Variants in JAK1 observed in about 807,000 individuals in gnomAD.
JAK1 encodes tyrosine-protein kinase JAK1.
In JAK1, 16 loss-of-function variants were observed where a neutral mutation model predicts 136.6. The observed-to-expected ratio is 0.12, with a 90% CI of 0.08 to 0.18. The LOEUF is 0.18. Ranked by LOEUF, JAK1 falls within the 10% of genes least tolerant of loss-of-function variation. The pLI, the probability that JAK1 is intolerant of heterozygous loss-of-function variation, is 1.00. For missense variants in JAK1, 859 were observed against 1,450.1 expected (o/e 0.59, Z 6.62); for synonymous variants, 492 against 519.5 (o/e 0.95, Z 0.72).
upstream of JAK1, among the ~76,000 whole-genome samples, chr1:64,968,010 A>G (rs1340754532): frequency 6.6e-6 from 1 of 152,200 alleles, no homozygotes; most frequent in East Asian, 1.9e-4. Flanking sequence ...GTGAACTATG[A>G]TAATATAGCC....
intron 1 of JAK1, among the ~76,000 whole-genome samples, chr1:64,930,514 G>A (rs1386841196): frequency 6.6e-6 from 1 of 152,172 alleles, no homozygotes; most frequent in African/African-American, 2.4e-5. Flanking sequence ...ATGCTGGAAA[G>A]GATGTGAGAA....
intron 11 of JAK1, among the ~76,000 whole-genome samples, chr1:64,854,622 C>T (rs922855749): frequency 1.3e-5 from 2 of 152,168 alleles, no homozygotes; most frequent in Non-Finnish European, 2.9e-5. Flanking sequence ...GACAAATCCA[C>T]CTGCAGAACA....
At chr1:64,962,299 T>G (rs1569752740) in intron 1 of JAK1, among the ~76,000 whole-genome samples, 1 of 152,244 alleles carries the variant, frequency 6.6e-6, no homozygotes, top group African/African-American at 2.4e-5. Flanking sequence ...TAAATTCAGT[T>G]ACTGCAGATT....
chr1:64,880,060 T>C (rs559072252), intron 3 of JAK1, among the ~76,000 whole-genome samples: 8 of 152,254 alleles, frequency 5.3e-5, no homozygotes, highest in Admixed American at 2.0e-4. Context: ...TATGAGGTAA[T>C]AGGCACTTGT....
intron 10 of JAK1, 26 bp from the exon 11 acceptor site, chr1:64,855,724 C>T: frequency 6.2e-7 from 1 of 1,601,630 alleles, no homozygotes; most frequent in Non-Finnish European, 8.5e-7. Context: ...CCAGAAATTA[C>T]ATGTTTAAAA....
intron 1 of JAK1, among the ~76,000 whole-genome samples, chr1:65,049,951 A>C (rs1353865672): frequency 6.6e-6 from 1 of 152,150 alleles, no homozygotes; most frequent in Non-Finnish European, 1.5e-5. Context: ...TCCTCCAGTC[A>C]TCTTTTTATG....
intron 11 of JAK1, among the ~76,000 whole-genome samples, chr1:64,852,839 C>T (rs966979373): frequency 1.3e-5 from 2 of 152,132 alleles, no homozygotes; most frequent in Non-Finnish European, 2.9e-5. Flanking sequence ...TGGAGTAAAA[C>T]GCTCCCTGAC....
In JAK1 at chr1:64,913,641, G is replaced by GAGAAAGGAAGGAAAGAAGGA. The variant is rs1357274757; in HGVS notation, c.-77-27301_-77-27300insTCCTTCTTTCCTTCCTTTCT. Among the ~76,000 whole-genome samples, 508 of 56,698 alleles carry GAGAAAGGAAGGAAAGAAGGA rather than the reference G, an allele frequency of 9.0e-3. 23 individuals are homozygous for GAGAAAGGAAGGAAAGAAGGA. Among genetic ancestry groups the GAGAAAGGAAGGAAAGAAGGA allele is most frequent in the South Asian group, 0.054 (71 of 1,306 alleles). The allele number at this position is 56,698 out of a possible 152,430, so 37.2% of individuals were successfully genotyped here. A position where few individuals can be genotyped will look rare whatever the true frequency, so the allele number is the denominator to read the frequency against. On this transcript the variant is annotated intron_variant, in intron 1 of 24. Transcript: ENST00000342505. The stretch of plus-strand genomic sequence containing the variant: ...TTTGGGAGGGAGGGAGGGAGGAAGG[G>GAGAAAGGAAGGAAAGAAGGA]AGGAAGGAAGGAAAGAAGGAAGGAA...
At chr1:64,941,546 G>A (rs1438021730) in intron 1 of JAK1, among the ~76,000 whole-genome samples, 1 of 152,172 alleles carries the variant, frequency 6.6e-6, no homozygotes, top group East Asian at 1.9e-4. Flanking sequence ...AATTTCCCAT[G>A]GTTAGAATAA....
chr1:64,858,395 CGT>C (rs72078763), intron 9 of JAK1, among the ~76,000 whole-genome samples: 8,064 of 152,230 alleles, frequency 0.053, 334 homozygotes, highest in Admixed American at 0.14. Flanking sequence ...CGCCATGGTT[CGT>C]GTGTTTTAGA....
chr1:64,911,580 G>A (rs542180492), intron 1 of JAK1, among the ~76,000 whole-genome samples: 1 of 152,302 alleles, frequency 6.6e-6, no homozygotes, highest in South Asian at 2.1e-4. Context: ...AAGTATCTGA[G>A]CTGAGACTCC....
intron 2 of JAK1, among the ~76,000 whole-genome samples, 180 bp downstream of exon 2, chr1:64,886,079 T>A (rs1011008578): frequency 1.2e-4 from 19 of 152,224 alleles, no homozygotes; most frequent in African/African-American, 4.6e-4. Context: ...GTACCTCCTA[T>A]ACTTTTGTAT....
At chr1:64,955,600 T>C (rs528389544) in intron 1 of JAK1, among the ~76,000 whole-genome samples, 52 of 151,910 alleles carry the variant, frequency 3.4e-4, no homozygotes, top group South Asian at 2.1e-4. Flanking sequence ...CAGACTAAGG[T>C]GGAGTTTGGA....
At chr1:65,047,182 A>G (rs1162387247) in intron 1 of JAK1, among the ~76,000 whole-genome samples, 3 of 152,064 alleles carry the variant, frequency 2.0e-5, no homozygotes, top group Non-Finnish European at 4.4e-5. Context: ...CCTGTCTCCA[A>G]AAAATTTTTT....
chr1:64,962,720 A>G (rs1216110323), intron 1 of JAK1, among the ~76,000 whole-genome samples: 1 of 152,200 alleles, frequency 6.6e-6, no homozygotes, highest in Admixed American at 6.5e-5. Context: ...TAAGAAGCAG[A>G]GAGGAAACAA....
chr1:64,919,479 G>A (rs1341563957), intron 1 of JAK1, among the ~76,000 whole-genome samples: 3 of 152,158 alleles, frequency 2.0e-5, no homozygotes, highest in African/African-American at 2.4e-5. Flanking sequence ...ATAAACATAC[G>A]TGTGCATGTG....
rs1645932091 is a variant in JAK1, at chr1:64,943,826, C to T, written c.-78+22507G>A. Among the ~76,000 whole-genome samples, 3 of 47,390 alleles carry T rather than the reference C, an allele frequency of 6.3e-5. No homozygotes were observed. In the South Asian group the frequency reaches 3.4e-3, roughly 54 times the overall value. 31.1% of individuals were successfully genotyped at this position (47,390 alleles called of 152,430 possible). ...AAACTAATATCCTTAACATATGTAG[C>T]TTTAATAAATAAAAAAAAAAAAGAC... On this transcript the variant is annotated intron_variant, in intron 1 of 24. Transcript: ENST00000342505.
At position 64,860,862 on chromosome 1, in the gene JAK1, T is replaced by TGTGTGTGTGTGTGTG. The variant is rs1557642271; in HGVS notation, c.1177-601_1177-600insCACACACACACACAC. Among the ~76,000 whole-genome samples the TGTGTGTGTGTGTGTG allele has an allele frequency of 7.9e-4, 63 of 79,920 alleles. 1 individual carries two copies. Among genetic ancestry groups the TGTGTGTGTGTGTGTG allele is most frequent in the Non-Finnish European group, 1.2e-3 (46 of 37,896 alleles). The allele number at this position is 79,920 out of a possible 152,430, so 52.4% of individuals were successfully genotyped here. A position where few individuals can be genotyped will look rare whatever the true frequency, so the allele number is the denominator to read the frequency against. On this transcript the variant is annotated intron_variant, in intron 8 of 24. Transcript: ENST00000342505. ...TGTGTGTGTGTGTGTGTGTGTGTGT[T>TGTGTGTGTGTGTGTG]GGGGGTGACGCGGTGGGGGAGGCTG... is the stretch of plus-strand genomic sequence containing the variant.
At chr1:65,028,301 A>G (rs1185570501) in intron 2 of JAK1, among the ~76,000 whole-genome samples, 1 of 151,946 alleles carries the variant, frequency 6.6e-6, no homozygotes. Flanking sequence ...CACTTACCCT[A>G]TCTAATTTTA....
Sources: allele counts gnomAD v4.1 joint callset (sites outside exome capture counted in the v4.1 genomes callset), GRCh38; gene constraint gnomAD v4.1.1; transcripts MANE v1.5; gene names NCBI Gene and HGNC (gene_info 2026-07-23, HGNC 2026-07-21).